The following DIP2C variants were observed in gnomAD, a reference collection of about 807,000 sequenced individuals.
The protein encoded by DIP2C is disco-interacting protein 2 homolog C.
A neutral mutation model predicts 192.4 loss-of-function variants in DIP2C; 33 were observed. That is an observed-to-expected ratio of 0.17 (90% CI 0.13 to 0.23). The LOEUF (loss-of-function observed/expected upper bound fraction) is 0.23, where lower values mean the gene tolerates loss of function less well. DIP2C is among the 10% of genes least tolerant of loss of function. The pLI, the probability that DIP2C is intolerant of heterozygous loss-of-function variation, is 1.00. For missense variants in DIP2C, 1,537 were observed against 2,110.1 expected (o/e 0.73, Z 5.32); for synonymous variants, 979 against 864.1 (o/e 1.13, Z -2.33).
intron 1 of DIP2C, among the ~76,000 whole-genome samples, chr10:625,685 G>A (rs865853151): frequency 6.6e-5 from 10 of 152,236 alleles, no homozygotes; most frequent in Admixed American, 6.5e-5. Flanking sequence ...GCTGAAGCAG[G>A]AACGAGCTCT....
At position 276,361 on chromosome 10, in the gene DIP2C, CAG is replaced by C. The variant is rs1954516831; in HGVS notation, c.*962_*963del. On this transcript the variant is annotated 3_prime_UTR_variant, in exon 37 of 37. Transcript: ENST00000280886. ...TGCGGTCTGCGACTGCTGGCAACAG[CAG>C]AGTGTATGTGAGTACGGGGGGCACA... 2 of 152,640 alleles carry C rather than the reference CAG, an allele frequency of 1.3e-5. No individual in the cohort carries two copies. Among genetic ancestry groups the C allele is most frequent in the Middle Eastern group, 3.2e-3 (1 of 316 alleles). The allele number at this position is 152,640 out of a possible 1,614,324, so 9.5% of individuals were successfully genotyped here.
intron 1 of DIP2C, chr10:665,083 T>TA (rs991081008): frequency 2.6e-5 from 4 of 152,090 alleles, no homozygotes; most frequent in Non-Finnish European, 4.4e-5. Flanking sequence ...CCTTGAAATT[T>TA]AAAAAAACAA....
chr10:637,658 C>A (rs184634557), intron 1 of DIP2C, among the ~76,000 whole-genome samples: 1 of 152,348 alleles, frequency 6.6e-6, no homozygotes, highest in East Asian at 1.9e-4. Flanking sequence ...AATTGTGAAT[C>A]TTGGGGAGAC....
At chr10:409,315 G>C (rs983680240) in intron 8 of DIP2C, among the ~76,000 whole-genome samples, 2 of 152,036 alleles carry the variant, frequency 1.3e-5, no homozygotes, top group African/African-American at 2.4e-5. Flanking sequence ...GGGGTGGCGA[G>C]GGGGGGCGCG....
intron 1 of DIP2C, among the ~76,000 whole-genome samples, chr10:611,478 T>G (rs1853094905): frequency 6.6e-6 from 1 of 152,192 alleles, no homozygotes; most frequent in Non-Finnish European, 1.5e-5. Context: ...ACAGACTGTT[T>G]TTGGGAAACT....
chr10:583,502 G>C (rs148453338), intron 1 of DIP2C, among the ~76,000 whole-genome samples: 3 of 152,296 alleles, frequency 2.0e-5, no homozygotes, highest in Admixed American at 6.5e-5. Flanking sequence ...TTTCAGTATC[G>C]ATATAACTTT....
intron 1 of DIP2C, among the ~76,000 whole-genome samples, chr10:504,621 C>T (rs1257584121): frequency 6.6e-6 from 1 of 152,210 alleles, no homozygotes; most frequent in African/African-American, 2.4e-5. Flanking sequence ...AGAGAAGCAC[C>T]CACGGGCTCC....
chr10:618,378 A>G (rs1588616009), intron 1 of DIP2C, among the ~76,000 whole-genome samples: 1 of 152,180 alleles, frequency 6.6e-6, no homozygotes, highest in African/African-American at 2.4e-5. Flanking sequence ...TCCCACTGAC[A>G]TGGCCTCGTC....
intron 1 of DIP2C, among the ~76,000 whole-genome samples, chr10:511,697 C>T (rs913527162): frequency 3.3e-5 from 5 of 152,162 alleles, no homozygotes; most frequent in African/African-American, 9.7e-5. Flanking sequence ...CCTGTCACCT[C>T]AACAATGAAG....
At chr10:508,942 G>A (rs1004578369) in intron 1 of DIP2C, among the ~76,000 whole-genome samples, 1 of 152,166 alleles carries the variant, frequency 6.6e-6, no homozygotes, top group Non-Finnish European at 1.5e-5. Context: ...TCAGCCACCT[G>A]GCACCTCTTG....
chr10:481,816 G>A (rs960731304), intron 2 of DIP2C, among the ~76,000 whole-genome samples: 6 of 152,156 alleles, frequency 3.9e-5, no homozygotes, highest in African/African-American at 1.4e-4. Flanking sequence ...GTGGGGCGGG[G>A]GGAAGTGAGG....
chr10:454,498 A>C (rs1287271389), intron 3 of DIP2C, among the ~76,000 whole-genome samples: 1 of 151,784 alleles, frequency 6.6e-6, no homozygotes, highest in East Asian at 1.9e-4. Flanking sequence ...GCAATGAGAT[A>C]TTCAGGGATA....
chr10:619,541 G>GCCCGCCCTCCCTCCCTCCCTCCCT, intron 1 of DIP2C, among the ~76,000 whole-genome samples: 8 of 67,962 alleles, frequency 1.2e-4, no homozygotes, highest in African/African-American at 2.4e-4. Context: ...CCGCCCGCCC[G>GCCCGCCCTCCCTCCCTCCCTCCCT]CCCTCCCACC....
At chr10:612,527 A>C (rs1853167099) in intron 1 of DIP2C, among the ~76,000 whole-genome samples, 1 of 152,146 alleles carries the variant, frequency 6.6e-6, no homozygotes, top group South Asian at 2.1e-4. Context: ...CTCAAGGCAA[A>C]ATTTTTCTTT....
At chr10:400,030 T>G (rs964632112) in intron 9 of DIP2C, among the ~76,000 whole-genome samples, 2 of 152,200 alleles carry the variant, frequency 1.3e-5, no homozygotes, top group Admixed American at 6.5e-5. Context: ...GTAATATTGG[T>G]ACCTACTAAT....
chr10:343,906 A>G (rs1958283105), intron 28 of DIP2C, among the ~76,000 whole-genome samples: 2 of 152,242 alleles, frequency 1.3e-5, no homozygotes. Flanking sequence ...GGGAATTCAC[A>G]GACGAGGGCA....
chr10:308,641 T>A (rs1402352987), intron 32 of DIP2C, among the ~76,000 whole-genome samples: 6 of 152,276 alleles, frequency 3.9e-5, no homozygotes, highest in African/African-American at 1.4e-4. Flanking sequence ...TGTTCCAGAC[T>A]GAACTTTGTC....
intron 6 of DIP2C, among the ~76,000 whole-genome samples, chr10:417,070 AAC>A (rs555806225): frequency 1.6e-3 from 244 of 152,344 alleles, no homozygotes; most frequent in African/African-American, 5.5e-3. Flanking sequence ...AATACAGAAA[AAC>A]ACACAATCCA....
chr10:444,154 G>A (rs1967962789), intron 3 of DIP2C, among the ~76,000 whole-genome samples: 1 of 152,100 alleles, frequency 6.6e-6, no homozygotes, highest in Non-Finnish European at 1.5e-5. Context: ...TCCCTCAAGA[G>A]ACAGCCACTG....
Sources: allele counts gnomAD v4.1 joint callset (sites outside exome capture counted in the v4.1 genomes callset), GRCh38; gene constraint gnomAD v4.1.1; transcripts MANE v1.5; gene names NCBI Gene and HGNC (gene_info 2026-07-23, HGNC 2026-07-21).